WDR70: variants seen among roughly 807,000 people sequenced by gnomAD.
WDR70 encodes the protein WD repeat domain 70.
In WDR70, 53 loss-of-function variants were observed where a neutral mutation model predicts 88.6. The ratio of observed to expected loss-of-function variants is 0.60; its 90% CI spans 0.48 to 0.75. WDR70 has a LOEUF of 0.75. Among genes scored for constraint, WDR70 ranks in the 30% least tolerant of loss-of-function variants. The pLI, the probability that WDR70 is intolerant of heterozygous loss-of-function variation, is 0.00. For synonymous variants in WDR70, 280 were observed against 270.0 expected (o/e 1.04, Z -0.36); for missense variants, 610 against 823.2 (o/e 0.74, Z 3.17).
intron 10 of WDR70, among the ~76,000 whole-genome samples, chr5:37,631,079 G>GGA (rs1744802848): frequency 6.6e-6 from 1 of 152,264 alleles, no homozygotes; most frequent in East Asian, 1.9e-4. Flanking sequence ...TCCAGGTCGG[G>GGA]GAGATGGGGT....
intron 9 of WDR70, among the ~76,000 whole-genome samples, chr5:37,565,979 T>C (rs983074990): frequency 6.6e-6 from 1 of 152,140 alleles, no homozygotes; most frequent in Non-Finnish European, 1.5e-5. Flanking sequence ...ACAATTCACA[T>C]ACCATAAAAT....
chr5:37,704,107 G>T (rs1458093349), intron 13 of WDR70, among the ~76,000 whole-genome samples: 1 of 152,138 alleles, frequency 6.6e-6, no homozygotes, highest in African/African-American at 2.4e-5. Flanking sequence ...TAGGAAAAGT[G>T]AAATAAAAAT....
At chr5:37,568,640 A>G (rs1240364619) in intron 9 of WDR70, among the ~76,000 whole-genome samples, 3 of 152,208 alleles carry the variant, frequency 2.0e-5, no homozygotes, top group Non-Finnish European at 2.9e-5. Context: ...TTTCTGCTGT[A>G]TGAGAATCAT....
intron 5 of WDR70, among the ~76,000 whole-genome samples, chr5:37,412,011 G>C (rs567455250): frequency 2.6e-5 from 4 of 151,502 alleles, no homozygotes; most frequent in African/African-American, 9.7e-5. Context: ...CTTTCCAGTA[G>C]AATTTGAAGG....
intron 9 of WDR70, among the ~76,000 whole-genome samples, chr5:37,563,448 C>A (rs1368945946): frequency 1.7e-5 from 1 of 58,594 alleles, no homozygotes; most frequent in Non-Finnish European, 4.1e-5. Context: ...CCACATCCTT[C>A]CCGGACGGGG....
At chr5:37,506,459 T>G (rs1465607948) in intron 8 of WDR70, 9 of 767,808 alleles carry the variant, frequency 1.2e-5, no homozygotes, top group African/African-American at 5.1e-5. Context: ...AGAAGGCTCC[T>G]CTATGATCTT....
rs57080738 is a variant in WDR70 at position 37,521,740 on chromosome 5, A to ACACACACC, written c.917+5151_917+5152insACACACCC. On this transcript the variant is annotated intron_variant, in intron 9 of 17. Transcript: ENST00000265107. Reference sequence around the variant, plus strand: ...CACACACACACACACACACACACACACCCACATGTTCTTTATCAACTTGTT... The same window carrying ACACACACC: ...CACACACACACACACACACACACACACACACACCCCCACATGTTCTTTATCAACTTGTT... 4.3e-3 allele frequency among the ~76,000 whole-genome samples: 569 copies of ACACACACC among 131,266 alleles called. 6 individuals carry two copies. The highest frequency in any genetic ancestry group is 7.6e-3 in the African/African-American group (265 of 34,698). 86.1% of individuals were successfully genotyped at this position (131,266 alleles called of 152,430 possible).
chr5:37,512,125 G>T (rs935322138), intron 8 of WDR70, among the ~76,000 whole-genome samples: 1 of 152,082 alleles, frequency 6.6e-6, no homozygotes, highest in African/African-American at 2.4e-5. Context: ...GGTGACTCGG[G>T]GTATTCCTTG....
chr5:37,405,699 A>G (rs771743523), intron 5 of WDR70, among the ~76,000 whole-genome samples: 5 of 152,212 alleles, frequency 3.3e-5, no homozygotes, highest in Non-Finnish European at 7.3e-5. Context: ...TGAATATAGA[A>G]TAAGTCTTAA....
intron 11 of WDR70, among the ~76,000 whole-genome samples, chr5:37,700,021 G>T (rs551386441): frequency 7.2e-5 from 11 of 151,892 alleles, no homozygotes; most frequent in African/African-American, 2.7e-4. Flanking sequence ...TTCCAAAGGT[G>T]AGCCTTACAA....
chr5:37,703,621 T>C (rs1747233525), intron 13 of WDR70, among the ~76,000 whole-genome samples: 1 of 152,214 alleles, frequency 6.6e-6, no homozygotes. Context: ...AAAAAACACA[T>C]TAGTTTTCTT....
intron 5 of WDR70, among the ~76,000 whole-genome samples, chr5:37,418,350 C>T (rs188097568): frequency 1.8e-3 from 267 of 152,178 alleles, no homozygotes; most frequent in African/African-American, 5.8e-3. Context: ...GATGGAGTCT[C>T]GCTCTGTCGC....
At chr5:37,517,847 TA>T (rs70978827) in intron 9 of WDR70, among the ~76,000 whole-genome samples, 38,358 of 137,840 alleles carry the variant, frequency 0.28, 5,582 homozygotes, top group East Asian at 0.5. Flanking sequence ...TTATTTTTAT[TA>T]TATTATTTTT....
intron 13 of WDR70, among the ~76,000 whole-genome samples, chr5:37,706,147 C>T (rs960659656): frequency 6.6e-6 from 1 of 152,074 alleles, no homozygotes; most frequent in Non-Finnish European, 1.5e-5. Flanking sequence ...TTTAAAAACC[C>T]AAAACTTGTT....
intron 10 of WDR70, chr5:37,687,947 T>C: frequency 2.9e-6 from 2 of 693,782 alleles, no homozygotes; most frequent in Non-Finnish European, 5.3e-6. Flanking sequence ...ACTGTCTGCA[T>C]GCTCTGGGCT....
chr5:37,627,518 G>A (rs191249818), intron 10 of WDR70, among the ~76,000 whole-genome samples: 1 of 151,860 alleles, frequency 6.6e-6, no homozygotes, highest in East Asian at 1.9e-4. Flanking sequence ...TGCATTGTTA[G>A]GTTTTTTATT....
chr5:37,681,120 G>GT lies in WDR70; in HGVS notation c.1093-16526dup, dbSNP rs1039178696. 8.7e-4 allele frequency among the ~76,000 whole-genome samples: 132 copies of GT among 151,164 alleles called. No individual in the cohort carries two copies. The Middle Eastern group carries it at 0.01, about 12-fold the overall frequency. ...GTGTCATTTCTGATTTCTTTGAGCA[G>GT]TTTTTTTTTGTAGTTTTCATTGTAG... On this transcript the variant is annotated intron_variant, in intron 10 of 17. Transcript: ENST00000265107.
chr5:37,703,258 C>T (rs1446159605), intron 13 of WDR70, among the ~76,000 whole-genome samples, 171 bp downstream of exon 13: 3 of 152,110 alleles, frequency 2.0e-5, no homozygotes, highest in Admixed American at 2.0e-4. Flanking sequence ...GCTGAGCTAC[C>T]CTATCCCTTT....
intron 10 of WDR70, among the ~76,000 whole-genome samples, chr5:37,696,622 T>G (rs1423489467): frequency 6.6e-6 from 1 of 152,220 alleles, no homozygotes; most frequent in East Asian, 1.9e-4. Flanking sequence ...CCAGAACCAT[T>G]GTGTAATTAG....
Sources: gnomAD v4.1 joint callset for allele counts (sites outside exome capture counted in the v4.1 genomes callset) on GRCh38, gnomAD v4.1.1 for gene constraint, MANE v1.5 for transcripts, NCBI Gene and HGNC (gene_info 2026-07-23, HGNC 2026-07-21) for gene names.